Variants in DNAH3 observed in about 807,000 individuals in gnomAD.
The protein encoded by DNAH3 is axonemal beta dynein heavy chain 3.
A neutral mutation model predicts 432.5 loss-of-function variants in DNAH3; 332 were observed. The observed-to-expected ratio is 0.77, with a 90% CI of 0.70 to 0.84. The LOEUF (loss-of-function observed/expected upper bound fraction) is 0.84, where lower values mean the gene tolerates loss of function less well. Among genes scored for constraint, DNAH3 ranks in the 40% least tolerant of loss-of-function variants. The probability of loss-of-function intolerance (pLI) is 0.00; values close to 1 mark genes in which losing one functional copy is unlikely to be tolerated. For synonymous variants in DNAH3, 1,956 were observed against 1,900.2 expected, an observed-to-expected ratio of 1.03 and a Z score of -0.76; for missense variants, 4,861 against 5,114.0, an observed-to-expected ratio of 0.95 and a Z score of 1.51.
In DNAH3 at chr16:21,139,320, C is replaced by CTTTTTTTTTTTTTTTTTTTTTT. The variant is rs9302391; in HGVS notation, c.696+1194_696+1215dup. ...AATGTAGCTTGAGACTTTCCTCATG[C>CTTTTTTTTTTTTTTTTTTTTTT]TTTTTTTTTTTTTTTTTTTTTTTTT... On this transcript the variant is annotated intron_variant, in intron 5 of 61. Coordinates refer to ENST00000261383, the Ensembl canonical transcript of DNAH3. Among the ~76,000 whole-genome samples, 28 of 29,630 alleles carry CTTTTTTTTTTTTTTTTTTTTTT rather than the reference C, an allele frequency of 9.4e-4. 7 individuals carry two copies. Among genetic ancestry groups the CTTTTTTTTTTTTTTTTTTTTTT allele is most frequent in the African/African-American group, 1.8e-3 (11 of 6,110 alleles). 19.4% of individuals were successfully genotyped at this position (29,630 alleles called of 152,430 possible). A position where few individuals can be genotyped will look rare whatever the true frequency, so the allele number is the denominator to read the frequency against.
chr16:21,053,854 C>T (rs904670020), intron 28 of DNAH3, among the ~76,000 whole-genome samples: 1 of 151,936 alleles, frequency 6.6e-6, no homozygotes, highest in Non-Finnish European at 1.5e-5. Flanking sequence ...TCCTCTTCCT[C>T]CTCCTCTTCT....
intron 53 of DNAH3, among the ~76,000 whole-genome samples, chr16:20,962,648 C>T (rs148915069): frequency 1.5e-3 from 232 of 152,218 alleles, no homozygotes; most frequent in South Asian, 4.6e-3. Context: ...CTGAATCTCA[C>T]CAAGCTTCTA....
chr16:21,019,932 A>G (rs1198568329), intron 40 of DNAH3, 63 bp from the exon 41 acceptor site: 2 of 1,579,810 alleles, frequency 1.3e-6, no homozygotes, highest in African/African-American at 2.7e-5. Context: ...AAGGGCTGTG[A>G]ACTGGTTGGC....
chr16:20,941,639 T>G, intron 58 of DNAH3, 96 bp from the exon 59 acceptor site: 1 of 1,462,332 alleles, frequency 6.8e-7, no homozygotes, highest in Non-Finnish European at 9.3e-7. Context: ...ACTTTTCAAA[T>G]GTATTCTGTG....
chr16:20,994,963 G>A (rs546827383), intron 44 of DNAH3, among the ~76,000 whole-genome samples: 1 of 151,530 alleles, frequency 6.6e-6, no homozygotes, highest in South Asian at 2.1e-4. Flanking sequence ...TTTTTTTAGA[G>A]ACAGGGTCTC....
intron 23 of DNAH3, 145 bp downstream of exon 23, chr16:21,069,270 A>T: frequency 1.3e-6 from 1 of 748,374 alleles, no homozygotes; most frequent in Non-Finnish European, 2.2e-6. Context: ...AATAATAACA[A>T]CTTCTGAAAT....
At chr16:21,093,358 A>T (rs2091591581) in intron 18 of DNAH3, among the ~76,000 whole-genome samples, 2 of 152,244 alleles carry the variant, frequency 1.3e-5, no homozygotes, top group African/African-American at 4.8e-5. Context: ...TTATGTATAA[A>T]TTTAACAAAA....
chr16:21,069,141 C>T (rs921408425), intron 23 of DNAH3, among the ~76,000 whole-genome samples: 5 of 152,002 alleles, frequency 3.3e-5, no homozygotes, highest in African/African-American at 4.8e-5. Context: ...TGCGGTGTTT[C>T]ACCATGTTGG....
At chr16:20,938,723 G>GTACTGCTTGAGATGAT (rs1282496411) in intron 59 of DNAH3, among the ~76,000 whole-genome samples, 4 of 150,128 alleles carry the variant, frequency 2.7e-5, no homozygotes, top group Non-Finnish European at 5.9e-5. Context: ...GAACGTTAGA[G>GTACTGCTTGAGATGAT]TACTGCTTGA....
chr16:21,003,756 CAG>C (rs1418185046), intron 41 of DNAH3, among the ~76,000 whole-genome samples: 1 of 152,050 alleles, frequency 6.6e-6, no homozygotes, highest in East Asian at 1.9e-4. Context: ...GCCTGGGCAA[CAG>C]AGTGAGACTC....
chr16:21,125,108 G>A (rs2152815749), intron 9 of DNAH3, 67 bp downstream of exon 10: 1 of 1,377,750 alleles, frequency 7.3e-7, no homozygotes, highest in Non-Finnish European at 9.9e-7. Context: ...ACATGACAGA[G>A]TCCTGGCTCT....
At chr16:21,147,948 G>A (rs774501032) in intron 1 of DNAH3, among the ~76,000 whole-genome samples, 11 of 152,188 alleles carry the variant, frequency 7.2e-5, no homozygotes, top group Non-Finnish European at 1.3e-4. Flanking sequence ...AGGTGCTGCC[G>A]TTCAGCACTT....
In DNAH3 at chr16:20,948,649, C is replaced by T; in HGVS notation, c.11189-12G>A. The T allele has an allele frequency of 6.2e-7, 1 of 1,613,902 alleles. No individual in the cohort carries two copies. The highest frequency in any genetic ancestry group is 8.5e-7 in the Non-Finnish European group (1 of 1,179,908). On this transcript the variant is annotated splice_polypyrimidine_tract_variant and intron_variant, in intron 56 of 61. Coordinates refer to ENST00000261383, the Ensembl canonical transcript of DNAH3. ...GTAATTACATTCCCCTGGGGACAAC[C>T]AACAGAAGGAGAGGTTGAGCCCAGG... is the stretch of plus-strand genomic sequence containing the variant.
Position 21,139,320 on chromosome 16 carries a change from C to CTTTTTTTTTTTTTTTTTTTTTTTTTT in DNAH3, c.696+1190_696+1215dup, listed in dbSNP as rs9302391. ...AATGTAGCTTGAGACTTTCCTCATG[C>CTTTTTTTTTTTTTTTTTTTTTTTTTT]TTTTTTTTTTTTTTTTTTTTTTTTT... On this transcript the variant is annotated intron_variant, in intron 5 of 61. Coordinates refer to ENST00000261383, the Ensembl canonical transcript of DNAH3. 3.7e-4 allele frequency among the ~76,000 whole-genome samples: 11 copies of CTTTTTTTTTTTTTTTTTTTTTTTTTT among 29,630 alleles called. 2 individuals carry two copies. The highest frequency in any genetic ancestry group is 4.9e-4 in the African/African-American group (3 of 6,110). 19.4% of individuals were successfully genotyped at this position (29,630 alleles called of 152,430 possible). A position where few individuals can be genotyped will look rare whatever the true frequency, so the allele number is the denominator to read the frequency against.
At chr16:20,985,680 G>C in exon 48 of DNAH3, 2 of 1,613,988 alleles carry the variant, frequency 1.2e-6, no homozygotes, top group Non-Finnish European at 1.7e-6. Flanking sequence ...TGTTATCATC[G>C]ACTATCTTTC....
chr16:20,959,262 G>A (rs2084704771), exon 54 of DNAH3: 1 of 1,614,172 alleles, frequency 6.2e-7, no homozygotes, highest in Admixed American at 1.7e-5. Context: ...CGGCCAGGTG[G>A]CAGTTCTGTA....
At chr16:21,049,681 C>T in exon 31 of DNAH3, 2 of 1,613,382 alleles carry the variant, frequency 1.2e-6, no homozygotes, top group Admixed American at 1.7e-5. Context: ...GAAGACCACA[C>T]ACTAGAAAGA....
chr16:21,048,723 A>G (rs1365579834), intron 31 of DNAH3, among the ~76,000 whole-genome samples: 2 of 150,556 alleles, frequency 1.3e-5, no homozygotes, highest in East Asian at 3.9e-4. Flanking sequence ...TTTTTTAAAC[A>G]GAGTTTCACT....
At chr16:21,007,823 T>C (rs569783431) in intron 41 of DNAH3, among the ~76,000 whole-genome samples, 104 of 152,358 alleles carry the variant, frequency 6.8e-4, no homozygotes, top group African/African-American at 2.5e-3. Context: ...AAGAGTTTTA[T>C]AGTTTTAGCT....
Sources: allele counts gnomAD v4.1 joint callset (sites outside exome capture counted in the v4.1 genomes callset), GRCh38; gene constraint gnomAD v4.1.1; transcripts MANE v1.5; gene names NCBI Gene and HGNC (gene_info 2026-07-23, HGNC 2026-07-21).